The following AFAP1 variants were observed in gnomAD, a reference collection of about 807,000 sequenced individuals.
AFAP1 encodes the protein actin filament associated protein 1.
In AFAP1, 75 loss-of-function variants were observed where a neutral mutation model predicts 93.9. The observed-to-expected ratio is 0.80, with a 90% CI of 0.66 to 0.97. The LOEUF (loss-of-function observed/expected upper bound fraction) is 0.97, where lower values mean the gene tolerates loss of function less well. Ranked by LOEUF, AFAP1 falls within the 50% of genes least tolerant of loss-of-function variation. AFAP1 has a pLI of 0.00. For missense variants in AFAP1, 1,201 were observed against 1,050.8 expected (o/e 1.14, Z -1.98); for synonymous variants, 517 against 430.7 (o/e 1.20, Z -2.48).
At chr4:7,861,171 G>A (rs1277377940) in intron 3 of AFAP1, among the ~76,000 whole-genome samples, 3 of 152,188 alleles carry the variant, frequency 2.0e-5, no homozygotes, top group Non-Finnish European at 4.4e-5. Context: ...TCTGTTAGGA[G>A]TAACAGCCAA....
intron 5 of AFAP1, among the ~76,000 whole-genome samples, chr4:7,842,254 T>A (rs1046166435): frequency 2.1e-5 from 1 of 48,492 alleles, no homozygotes; most frequent in African/African-American, 8.8e-5. Context: ...AGGAACTTAG[T>A]AAAACAAAAA....
chr4:7,892,943 T>C (rs1278372642), intron 1 of AFAP1, among the ~76,000 whole-genome samples: 1 of 151,824 alleles, frequency 6.6e-6, no homozygotes, highest in Non-Finnish European at 1.5e-5. Flanking sequence ...CAAGAGAACA[T>C]CAAAACACAC....
chr4:7,812,611 C>T (rs1247101663), intron 8 of AFAP1, among the ~76,000 whole-genome samples: 1 of 152,080 alleles, frequency 6.6e-6, no homozygotes, highest in Admixed American at 6.5e-5. Flanking sequence ...GAACGCTCAG[C>T]CCCCTGCAGC....
intron 1 of AFAP1, among the ~76,000 whole-genome samples, chr4:7,926,884 C>T (rs1577365570): frequency 6.6e-6 from 1 of 152,162 alleles, no homozygotes; most frequent in Admixed American, 6.5e-5. Context: ...TACAGGCCCC[C>T]GCCACCATGC....
In AFAP1 at chr4:7,916,242, C is replaced by T. The variant is rs532517152; in HGVS notation, c.-3+23414G>A. On this transcript the variant is annotated intron_variant, in intron 1 of 17. Coordinates refer to ENST00000420658, the MANE Select transcript of AFAP1 (RefSeq NM_001134647.2). ...AATACTTGGTGGCAAAAACCGATGT[C>T]GTGCCTTCTGTACAGGAGACACATA... Among the ~76,000 whole-genome samples the T allele has an allele frequency of 7.2e-5, 11 of 152,318 alleles. No homozygotes were observed. In the South Asian group the frequency reaches 1.2e-3, roughly 17 times the overall value.
intron 1 of AFAP1, among the ~76,000 whole-genome samples, chr4:7,884,320 A>G (rs1718022656): frequency 6.6e-6 from 1 of 152,230 alleles, no homozygotes; most frequent in African/African-American, 2.4e-5. Context: ...GCAATGCAAG[A>G]TAGGCCTAAC....
intron 1 of AFAP1, among the ~76,000 whole-genome samples, chr4:7,934,294 C>G (rs933632062): frequency 6.6e-6 from 1 of 152,202 alleles, no homozygotes; most frequent in African/African-American, 2.4e-5. Flanking sequence ...GGGAGCCCAA[C>G]CCAGCACTCA....
intron 1 of AFAP1, among the ~76,000 whole-genome samples, chr4:7,878,364 T>G (rs1334323642): frequency 6.6e-6 from 1 of 152,198 alleles, no homozygotes. Flanking sequence ...AGTCCAGGCA[T>G]TCGGATCCAG....
At chr4:7,778,944 T>A in intron 13 of AFAP1, 68 bp from the exon 14 acceptor site, 1 of 1,217,126 alleles carries the variant, frequency 8.2e-7, no homozygotes, top group Non-Finnish European at 1.2e-6. Flanking sequence ...GTCTTTTTTT[T>A]TTCTGGAGTC....
intron 1 of AFAP1, among the ~76,000 whole-genome samples, chr4:7,903,547 T>C (rs1469718418): frequency 6.6e-6 from 1 of 152,170 alleles, no homozygotes. Context: ...GGCATGGTGG[T>C]GCACACCTGT....
In AFAP1 at chr4:7,899,061, T is replaced by G. The variant is rs546856674; in HGVS notation, c.-2-26981A>C. On this transcript the variant is annotated intron_variant, in intron 1 of 17. Coordinates refer to ENST00000420658, the MANE Select transcript of AFAP1 (RefSeq NM_001134647.2). ...TATAAGTAATACATACCCCACAGCC[T>G]GTCCTTAACGAGTTCTAAACTTAGT... 4.0e-5 allele frequency among the ~76,000 whole-genome samples: 6 copies of G among 151,870 alleles called. No homozygotes were observed. In the South Asian group the frequency reaches 1.3e-3, roughly 32 times the overall value.
intron 1 of AFAP1, among the ~76,000 whole-genome samples, chr4:7,878,887 C>T (rs115576456): frequency 3.9e-5 from 6 of 152,216 alleles, no homozygotes; most frequent in African/African-American, 1.4e-4. Flanking sequence ...ATTTTGCTCC[C>T]GGTGGAAGAA....
At chr4:7,798,523 T>C (rs980826734) in intron 10 of AFAP1, among the ~76,000 whole-genome samples, 1 of 152,244 alleles carries the variant, frequency 6.6e-6, no homozygotes, top group African/African-American at 2.4e-5. Context: ...GGCTTCTTGC[T>C]TACATTGGAA....
At chr4:7,797,803 A>C in intron 10 of AFAP1, among the ~76,000 whole-genome samples, 1 of 152,172 alleles carries the variant, frequency 6.6e-6, no homozygotes, top group Non-Finnish European at 1.5e-5. Context: ...ATATACATCA[A>C]AGTATTTAGG....
chr4:7,783,583 C>T (rs1403882222), intron 12 of AFAP1, among the ~76,000 whole-genome samples: 2 of 152,212 alleles, frequency 1.3e-5, no homozygotes, highest in African/African-American at 2.4e-5. Flanking sequence ...AAACATGTAG[C>T]CCAGCAATAC....
intron 4 of AFAP1, among the ~76,000 whole-genome samples, chr4:7,848,128 GGAGT>G (rs1434345841): frequency 2.7e-5 from 3 of 110,960 alleles, no homozygotes; most frequent in Admixed American, 1.0e-4. Flanking sequence ...AGGAAGGAAG[GGAGT>G]GAGTGAGGGA....
Position 7,763,661 on chromosome 4 carries a change from C to G in AFAP1, c.*104G>C. ...AGCTCAGTCGTGGAGCCTCTGGAGT[C>G]GTGCAGCTGAGGCCACTCTGGGCAG... is the stretch of plus-strand genomic sequence containing the variant. On this transcript the variant is annotated 3_prime_UTR_variant, in exon 18 of 18. Transcript: ENST00000420658. The G allele has an allele frequency of 7.2e-7, 1 of 1,385,794 alleles. No homozygotes were observed. The highest frequency in any genetic ancestry group is 1.4e-5 in the African/African-American group (1 of 69,514). 85.8% of individuals were successfully genotyped at this position (1,385,794 alleles called of 1,614,324 possible).
Position 7,809,524 on chromosome 4 carries a change from C to CT in AFAP1, c.1054+89_1054+90insA, listed in dbSNP as rs370948632. On this transcript the variant is annotated intron_variant, in intron 9 of 17. Transcript: ENST00000420658. ...ATGCAAAAGAGCTCAAATTAACGAGCCTTGGATGAACTGGGTACCGACACC... is the reference window on the plus strand; with the variant it reads ...ATGCAAAAGAGCTCAAATTAACGAGCTCTTGGATGAACTGGGTACCGACACC... 99 of 1,442,454 alleles carry CT rather than the reference C, an allele frequency of 6.9e-5. No individual in the cohort carries two copies. The Middle Eastern group carries it at 1.2e-3, about 18-fold the overall frequency. 89.4% of individuals were successfully genotyped at this position (1,442,454 alleles called of 1,614,324 possible).
intron 3 of AFAP1, among the ~76,000 whole-genome samples, chr4:7,866,247 A>T (rs1716387336): frequency 6.6e-6 from 1 of 151,224 alleles, no homozygotes; most frequent in Admixed American, 6.6e-5. Flanking sequence ...CCCAGGCTGT[A>T]GTGCAGTGGC....
Sources: gnomAD v4.1 joint callset for allele counts (sites outside exome capture counted in the v4.1 genomes callset) on GRCh38, gnomAD v4.1.1 for gene constraint, MANE v1.5 for transcripts, NCBI Gene and HGNC (gene_info 2026-07-23, HGNC 2026-07-21) for gene names.